ATP9B: variants seen among roughly 807,000 people sequenced by gnomAD.
ATP9B encodes probable phospholipid-transporting ATPase IIB.
ATP9B carries 110 observed loss-of-function variants against 146.1 expected under a neutral mutation model. That is an observed-to-expected ratio of 0.75 (90% CI 0.65 to 0.88). The LOEUF is 0.88. ATP9B is among the 40% of genes least tolerant of loss of function. ATP9B has a pLI of 0.00. For missense variants in ATP9B, 1,499 were observed against 1,496.4 expected (o/e 1.00, Z -0.03); for synonymous variants, 604 against 569.7 (o/e 1.06, Z -0.86).
chr18:79,190,521 C>CACACAG (rs1403334717), intron 8 of ATP9B, among the ~76,000 whole-genome samples: 2 of 135,092 alleles, frequency 1.5e-5, no homozygotes, highest in Non-Finnish European at 3.2e-5. Context: ...TACACACACA[C>CACACAG]ACACACACAC....
intron 11 of ATP9B, among the ~76,000 whole-genome samples, chr18:79,231,797 T>C (rs1307025905): frequency 1.8e-5 from 2 of 109,576 alleles, no homozygotes; most frequent in African/African-American, 6.9e-5. Context: ...TATATATATA[T>C]ATATATACAC....
At chr18:79,259,426 C>G (rs1197386771) in intron 12 of ATP9B, among the ~76,000 whole-genome samples, 2 of 152,196 alleles carry the variant, frequency 1.3e-5, no homozygotes, top group Non-Finnish European at 2.9e-5. Context: ...AGTGTTTTTA[C>G]TCCCACATGA....
intron 27 of ATP9B, 45 bp from the exon 28 acceptor site, chr18:79,373,853 T>C (rs1330544559): frequency 3.7e-6 from 6 of 1,602,122 alleles, no homozygotes; most frequent in Non-Finnish European, 5.1e-6. Context: ...CTAGCTGGCT[T>C]ACACCCTGCT....
chr18:79,257,393 A>G (rs116222164), intron 12 of ATP9B, among the ~76,000 whole-genome samples: 48 of 152,376 alleles, frequency 3.2e-4, no homozygotes, highest in African/African-American at 1.1e-3. Context: ...GACACAGAGC[A>G]AATGGGCAGG....
At chr18:79,243,348 A>T (rs1046270503) in intron 11 of ATP9B, among the ~76,000 whole-genome samples, 2 of 152,252 alleles carry the variant, frequency 1.3e-5, no homozygotes, top group Non-Finnish European at 2.9e-5. Context: ...TAGAATACTG[A>T]TTGTAGTTCT....
chr18:79,128,995 C>A (rs1276446453), intron 5 of ATP9B, among the ~76,000 whole-genome samples: 2 of 152,186 alleles, frequency 1.3e-5, no homozygotes, highest in East Asian at 1.9e-4. Context: ...GGCCCATGTT[C>A]CCAGTTTGCA....
At chr18:79,287,046 C>T (rs2096451025) in intron 13 of ATP9B, among the ~76,000 whole-genome samples, 1 of 152,184 alleles carries the variant, frequency 6.6e-6, no homozygotes, top group South Asian at 2.1e-4. Context: ...ATGCTTGCAT[C>T]AGTGTTCATC....
chr18:79,201,740 T>A (rs537842776), intron 9 of ATP9B, among the ~76,000 whole-genome samples: 2 of 152,184 alleles, frequency 1.3e-5, no homozygotes, highest in Non-Finnish European at 2.9e-5. Context: ...CAGCTAATTT[T>A]TGTATTTTTA....
intron 13 of ATP9B, among the ~76,000 whole-genome samples, chr18:79,299,547 G>C (rs998763230): frequency 6.6e-6 from 1 of 152,196 alleles, no homozygotes; most frequent in African/African-American, 2.4e-5. Context: ...GTGCCTCTCA[G>C]TAGCATGATC....
chr18:79,310,785 G>A (rs556339558), intron 15 of ATP9B, among the ~76,000 whole-genome samples: 1 of 143,350 alleles, frequency 7.0e-6, no homozygotes, highest in African/African-American at 2.4e-5. Context: ...AGACTTCCAG[G>A]GGTTTTTTTT....
intron 5 of ATP9B, 23 bp downstream of exon 5, chr18:79,126,398 G>A: frequency 2.0e-6 from 3 of 1,524,286 alleles, no homozygotes; most frequent in Non-Finnish European, 2.7e-6. Context: ...CTTTAATCCT[G>A]CTTAGCGTTT....
At chr18:79,257,320 A>C (rs923768017) in intron 12 of ATP9B, among the ~76,000 whole-genome samples, 6 of 152,220 alleles carry the variant, frequency 3.9e-5, no homozygotes, top group African/African-American at 1.4e-4. Context: ...AGAAAGAAAC[A>C]ATACAAGGCA....
At chr18:79,256,124 A>C (rs1313028489) in intron 12 of ATP9B, among the ~76,000 whole-genome samples, 1 of 151,382 alleles carries the variant, frequency 6.6e-6, no homozygotes, top group East Asian at 1.9e-4. Flanking sequence ...TTTAATTTTT[A>C]ATATCATGTA....
chr18:79,345,966 C>G, intron 23 of ATP9B, 127 bp downstream of exon 23: 1 of 1,046,280 alleles, frequency 9.6e-7, no homozygotes, highest in African/African-American at 1.6e-5. Context: ...GCTTAGCGTA[C>G]GCTCGGTCAG....
chr18:79,327,554 AG>A (rs1568697346), intron 15 of ATP9B, among the ~76,000 whole-genome samples: 8 of 128,860 alleles, frequency 6.2e-5, no homozygotes, highest in African/African-American at 2.1e-4. Context: ...CTCCGTGGTT[AG>A]CGTGCTCTCC....
intron 11 of ATP9B, among the ~76,000 whole-genome samples, chr18:79,241,212 A>G (rs778256737): frequency 4.6e-5 from 7 of 152,122 alleles, no homozygotes; most frequent in Non-Finnish European, 8.8e-5. Flanking sequence ...GGTTGTCTCA[A>G]GCATTTTGAC....
At position 79,131,215 on chromosome 18, in the gene ATP9B, G is replaced by A. The variant is rs1348171532; in HGVS notation, c.667+4840G>A. On this transcript the variant is annotated intron_variant, in intron 5 of 29. Coordinates refer to ENST00000426216, the MANE Select transcript of ATP9B (RefSeq NM_198531.5). Reference sequence around the variant, plus strand: ...GATAAACAAAAGCTAATACGCTTTCGTGCATCTAAGGGCATTATCAAAAAT... The same window carrying A: ...GATAAACAAAAGCTAATACGCTTTCATGCATCTAAGGGCATTATCAAAAAT... Among the ~76,000 whole-genome samples the A allele has an allele frequency of 2.0e-5, 3 of 152,106 alleles. 1 individual carries two copies. The South Asian group carries it at 6.2e-4, about 31-fold the overall frequency.
In ATP9B at chr18:79,336,653, TGC is replaced by T; in HGVS notation, c.2056_2057del (p.Arg686AspfsTer18). 6.2e-7 allele frequency: 1 copy of T among 1,611,508 alleles called. No homozygotes were observed. The highest frequency in any genetic ancestry group is 8.5e-7 in the Non-Finnish European group (1 of 1,178,996). On this transcript the variant is annotated frameshift_variant, in exon 18 of 30. Transcript: ENST00000426216. LOFTEE classifies it high-confidence loss of function. The stretch of plus-strand genomic sequence containing the variant: ...TGCGGAAACATGGCTCGCGAAGGAC[TGC>T]GGACCCTCGTGGTTGCAAAGAAGGC...
At chr18:79,366,448 C>T (rs754763513) in intron 26 of ATP9B, among the ~76,000 whole-genome samples, 2 of 152,184 alleles carry the variant, frequency 1.3e-5, no homozygotes, top group African/African-American at 2.4e-5. Flanking sequence ...AACTGCAAAC[C>T]GTGGGCTGCG....
Sources: gnomAD v4.1 joint callset for allele counts (sites outside exome capture counted in the v4.1 genomes callset) on GRCh38, gnomAD v4.1.1 for gene constraint, MANE v1.5 for transcripts, NCBI Gene and HGNC (gene_info 2026-07-23, HGNC 2026-07-21) for gene names.